Variants in AK5 observed in about 807,000 individuals in gnomAD.
The protein encoded by AK5 is adenylate kinase 5.
AK5 carries 27 observed loss-of-function variants against 69.5 expected under a neutral mutation model. That is an observed-to-expected ratio of 0.39 (90% CI 0.29 to 0.54). The LOEUF (loss-of-function observed/expected upper bound fraction) is 0.54. AK5 is among the 20% of genes least tolerant of loss of function. The pLI is 0.71. For missense variants in AK5, 531 were observed against 700.4 expected, an observed-to-expected ratio of 0.76 and a Z score of 2.73; for synonymous variants, 260 against 244.4, an observed-to-expected ratio of 1.06 and a Z score of -0.60.
In AK5 at chr1:77,535,885, G is replaced by A. The variant is rs151295675; in HGVS notation, c.1467G>A (p.Ser489=). Residue 489 remains serine (S), a synonymous_variant, in exon 13 of 14, where the codon TCG becomes TCA. Transcript: ENST00000354567. ...DPQLVICMDC[S]ADTMTNRLLQ... ...AGTTGGTGATCTGTATGGACTGCTC[G>A]GCAGACACCATGACCAACCGCCTTC... 245 of 1,613,772 alleles carry A rather than the reference G, an allele frequency of 1.5e-4. 2 individuals carry two copies. Among genetic ancestry groups the A allele is most frequent in the Non-Finnish European group, 2.7e-5 (32 of 1,179,958 alleles).
rs74899326 is a variant in AK5 at position 77,311,459 on chromosome 1, G to A, written c.699+13512G>A. ...AATTTATGGACCCTCTTGAAGCCTC[G>A]GTGTTTGCCTTTCAAGAATGAGAAT... is the stretch of plus-strand genomic sequence containing the variant. On this transcript the variant is annotated intron_variant, in intron 5 of 13. Transcript: ENST00000354567. Among the ~76,000 whole-genome samples, 321 of 152,034 alleles carry A rather than the reference G, an allele frequency of 2.1e-3. 4 individuals carry two copies. Among genetic ancestry groups the A allele is most frequent in the Admixed American group, 7.5e-3 (114 of 15,270 alleles).
intron 5 of AK5, among the ~76,000 whole-genome samples, chr1:77,327,761 C>T (rs1270749119): frequency 6.6e-6 from 1 of 152,164 alleles, no homozygotes; most frequent in Non-Finnish European, 1.5e-5. Context: ...AGTGTTAGCA[C>T]TTATGGTCAT....
At chr1:77,301,868 G>A (rs567657247) in intron 5 of AK5, among the ~76,000 whole-genome samples, 3 of 152,288 alleles carry the variant, frequency 2.0e-5, no homozygotes, top group African/African-American at 7.2e-5. Context: ...CCTTGCCCTG[G>A]CAGTTCCTCT....
At chr1:77,458,124 G>A (rs1653612517) in intron 8 of AK5, among the ~76,000 whole-genome samples, 1 of 149,564 alleles carries the variant, frequency 6.7e-6, no homozygotes, top group Admixed American at 6.7e-5. Context: ...AAAAAAAAAG[G>A]GCAAAACAAA....
intron 7 of AK5, among the ~76,000 whole-genome samples, chr1:77,415,236 A>G (rs1322009371): frequency 6.6e-6 from 1 of 152,226 alleles, no homozygotes; most frequent in Non-Finnish European, 1.5e-5. Context: ...CTCCGTTTTC[A>G]AGTATTAACG....
At chr1:77,326,819 A>G (rs1413218614) in intron 5 of AK5, among the ~76,000 whole-genome samples, 1 of 152,098 alleles carries the variant, frequency 6.6e-6, no homozygotes, top group Admixed American at 6.6e-5. Flanking sequence ...AAATGAATAC[A>G]ATGAAACTAA....
chr1:77,464,398 T>G (rs1654019702), intron 8 of AK5, among the ~76,000 whole-genome samples: 1 of 152,188 alleles, frequency 6.6e-6, no homozygotes, highest in South Asian at 2.1e-4. Flanking sequence ...CACCTGGCTG[T>G]TTCAGTACGA....
chr1:77,450,505 A>G (rs959443254), intron 8 of AK5, among the ~76,000 whole-genome samples: 2 of 152,112 alleles, frequency 1.3e-5, no homozygotes, highest in African/African-American at 2.4e-5. Flanking sequence ...TTAAGTGCCT[A>G]TCCTGTGCCA....
chr1:77,333,551 C>T (rs891663220), intron 5 of AK5, among the ~76,000 whole-genome samples: 11 of 148,346 alleles, frequency 7.4e-5, no homozygotes, highest in African/African-American at 2.5e-4. Context: ...ATCTCCCCCC[C>T]ACCATGCTAG....
At chr1:77,284,588 C>T (rs575839958) in intron 1 of AK5, among the ~76,000 whole-genome samples, 1 of 152,144 alleles carries the variant, frequency 6.6e-6, no homozygotes, top group Admixed American at 6.5e-5. Context: ...TTTTTTAAAC[C>T]CACTTTCTTA....
chr1:77,366,776 A>C (rs1023101045), intron 6 of AK5, among the ~76,000 whole-genome samples: 1 of 152,014 alleles, frequency 6.6e-6, no homozygotes, highest in African/African-American at 2.4e-5. Flanking sequence ...TAGTATCTCT[A>C]CTCTTCAGTA....
At chr1:77,390,473 T>C (rs1184415659) in intron 6 of AK5, among the ~76,000 whole-genome samples, 1 of 152,188 alleles carries the variant, frequency 6.6e-6, no homozygotes, top group African/African-American at 2.4e-5. Flanking sequence ...TTCTGGACAC[T>C]CAGGTGAGAG....
intron 5 of AK5, among the ~76,000 whole-genome samples, chr1:77,303,199 T>C (rs1455606418): frequency 6.6e-6 from 1 of 152,154 alleles, no homozygotes; most frequent in Non-Finnish European, 1.5e-5. Context: ...ATGCGGGGTT[T>C]TTTCCAGCTC....
At chr1:77,489,142 C>T (rs1655812973) in intron 10 of AK5, among the ~76,000 whole-genome samples, 1 of 152,194 alleles carries the variant, frequency 6.6e-6, no homozygotes. Flanking sequence ...TCACCTGTTA[C>T]TAAGTCCTGT....
rs189915590 is a variant in AK5 at position 77,423,160 on chromosome 1, A to G, written c.1059+5445A>G. On this transcript the variant is annotated intron_variant, in intron 8 of 13. Transcript: ENST00000354567. ...GGCGTGAACCCGGGAGGTGGAGCTT[A>G]CAGTGGGCCAAGATAGCACCACTGC... is the stretch of plus-strand genomic sequence containing the variant. 5.0e-3 allele frequency among the ~76,000 whole-genome samples: 736 copies of G among 147,194 alleles called. 8 individuals are homozygous for G. The highest frequency in any genetic ancestry group is 0.017 in the African/African-American group (671 of 39,630).
intron 12 of AK5, among the ~76,000 whole-genome samples, chr1:77,535,042 A>G (rs1020306851): frequency 2.0e-5 from 3 of 152,094 alleles, no homozygotes; most frequent in Non-Finnish European, 2.9e-5. Context: ...CTCCGTCCAC[A>G]TGGCCTCTCC....
At chr1:77,474,767 C>G (rs1031940173) in intron 8 of AK5, among the ~76,000 whole-genome samples, 31 of 152,122 alleles carry the variant, frequency 2.0e-4, no homozygotes, top group African/African-American at 7.2e-4. Flanking sequence ...CTTTTTCTCC[C>G]TGAAAACACA....
chr1:77,559,355 TACTG>T lies in AK5; in HGVS notation c.*686_*689del, dbSNP rs1660313480. On this transcript the variant is annotated 3_prime_UTR_variant, in exon 14 of 14. Transcript: ENST00000354567. ...ATTATTATTTTTTAGAAACTTGGAA[TACTG>T]TCGTCATGGCTAAGAGAACAAATCT... is the stretch of plus-strand genomic sequence containing the variant. The T allele has an allele frequency of 5.9e-5, 9 of 152,322 alleles. No homozygotes were observed. Among genetic ancestry groups the T allele is most frequent in the African/African-American group, 2.2e-4 (9 of 41,564 alleles). 9.4% of individuals were successfully genotyped at this position (152,322 alleles called of 1,614,324 possible).
At position 77,440,095 on chromosome 1, in the gene AK5, C is replaced by T. The variant is rs149668271; in HGVS notation, c.1059+22380C>T. Among the ~76,000 whole-genome samples, 686 of 152,050 alleles carry T rather than the reference C, an allele frequency of 4.5e-3. 7 individuals carry two copies. The highest frequency in any genetic ancestry group is 0.015 in the African/African-American group (608 of 41,496). On this transcript the variant is annotated intron_variant, in intron 8 of 13. Coordinates refer to ENST00000354567, the MANE Select transcript of AK5 (RefSeq NM_174858.3). ...TGAGTTTTATACTTTCATGTTTTTT[C>T]GTAATGATGATGATGATCTTTTTGC...
Sources: gnomAD v4.1 joint callset for allele counts (sites outside exome capture counted in the v4.1 genomes callset) on GRCh38, gnomAD v4.1.1 for gene constraint, MANE v1.5 for transcripts, NCBI Gene and HGNC (gene_info 2026-07-23, HGNC 2026-07-21) for gene names.